CAST: variants seen among roughly 807,000 people sequenced by gnomAD.
CAST encodes MIR583 host.
In CAST, 76 loss-of-function variants were observed where a neutral mutation model predicts 119.6. The ratio of observed to expected loss-of-function variants is 0.64; its 90% CI spans 0.53 to 0.77. The LOEUF is 0.77. Ranked by LOEUF, CAST falls within the 30% of genes least tolerant of loss-of-function variation. The pLI, the probability that CAST is intolerant of heterozygous loss-of-function variation, is 0.00. For synonymous variants in CAST, 319 were observed against 331.6 expected (o/e 0.96, Z 0.41); for missense variants, 953 against 946.5 (o/e 1.01, Z -0.09).
At chr5:96,481,221 C>T in the CAST span, among the ~76,000 whole-genome samples, 1 of 151,926 alleles carries the variant, frequency 6.6e-6, no homozygotes, top group African/African-American at 2.4e-5. Flanking sequence ...TCATGTGTCA[C>T]ACTGCACAGC....
At chr5:96,217,999 G>T in the CAST span, among the ~76,000 whole-genome samples, 1 of 152,148 alleles carries the variant, frequency 6.6e-6, no homozygotes, top group Non-Finnish European at 1.5e-5. Context: ...TTACGTTCTT[G>T]TGTTTTGTCT....
chr5:96,251,852 T>C, the CAST span, among the ~76,000 whole-genome samples: 1 of 152,184 alleles, frequency 6.6e-6, no homozygotes, highest in East Asian at 1.9e-4. Flanking sequence ...TAACGAATGG[T>C]CTCAGCACTA....
rs563469315 is a variant in CAST at position 96,755,879 on chromosome 5, T to C, written c.1710+1138T>C. ...CCTAGAGAGCATGCTAAGGGCCACA[T>C]GTTCTGTCTCCACTGAGTGCCCATT... On this transcript the variant is annotated intron_variant, in intron 22 of 31. Coordinates refer to ENST00000675179, the MANE Select transcript of CAST (RefSeq NM_001750.7). 4.6e-5 allele frequency among the ~76,000 whole-genome samples: 7 copies of C among 152,348 alleles called. No individual in the cohort carries two copies. The South Asian group carries it at 1.4e-3, about 32-fold the overall frequency.
chr5:96,443,732 A>C, the CAST span, among the ~76,000 whole-genome samples: 1 of 152,236 alleles, frequency 6.6e-6, no homozygotes, highest in African/African-American at 2.4e-5. Context: ...TCTATTGGGC[A>C]TCATTGATAT....
intron 3 of CAST, among the ~76,000 whole-genome samples, chr5:96,712,630 C>A (rs1292340930): frequency 6.6e-6 from 1 of 152,104 alleles, no homozygotes; most frequent in Non-Finnish European, 1.5e-5. Context: ...TGCCCAGCGA[C>A]CATCTCTTTA....
At chr5:96,412,752 G>GTTTTTTTTTTTTTTTTTTTTTTTTTTT in the CAST span, among the ~76,000 whole-genome samples, 7 of 71,806 alleles carry the variant, frequency 9.7e-5, 2 homozygotes, top group African/African-American at 6.3e-4. Flanking sequence ...CAGCTGTGAT[G>GTTTTTTTTTTTTTTTTTTTTTTTTTTT]TTTTTTTTTT....
At chr5:96,464,753 A>G in the CAST span, among the ~76,000 whole-genome samples, 1 of 152,122 alleles carries the variant, frequency 6.6e-6, no homozygotes, top group Non-Finnish European at 1.5e-5. Flanking sequence ...TGTATAACCT[A>G]ATGTGTATGG....
At chr5:96,403,258 ATT>A in the CAST span, among the ~76,000 whole-genome samples, 1 of 151,914 alleles carries the variant, frequency 6.6e-6, no homozygotes, top group East Asian at 1.9e-4. Context: ...AGAAAAACCT[ATT>A]TTTCTTTTTT....
the CAST span, among the ~76,000 whole-genome samples, chr5:96,438,863 G>A: frequency 6.6e-6 from 1 of 152,090 alleles, no homozygotes; most frequent in African/African-American, 2.4e-5. Flanking sequence ...TGGAGAAAAT[G>A]AAAATAATTT....
At chr5:96,439,306 A>G in the CAST span, among the ~76,000 whole-genome samples, 1 of 151,140 alleles carries the variant, frequency 6.6e-6, no homozygotes, top group Non-Finnish European at 1.5e-5. Flanking sequence ...AACTTATGAA[A>G]TGGGGAGAAC....
chr5:96,664,398 T>TGTGC (rs1749040367), intron 1 of CAST, among the ~76,000 whole-genome samples: 1 of 126,768 alleles, frequency 7.9e-6, no homozygotes, highest in Non-Finnish European at 1.6e-5. Context: ...TATATATGTG[T>TGTGC]AAATATATAT....
intron 11 of CAST, among the ~76,000 whole-genome samples, chr5:96,738,396 C>T (rs1430277793): frequency 6.6e-6 from 1 of 152,122 alleles, no homozygotes; most frequent in Admixed American, 6.6e-5. Context: ...AACACAGCAA[C>T]TAAAAATTAG....
chr5:96,375,968 A>G, the CAST span, among the ~76,000 whole-genome samples: 3 of 148,852 alleles, frequency 2.0e-5, no homozygotes, highest in African/African-American at 7.3e-5. Context: ...TCTCCTATTA[A>G]TTCTGTTTCC....
At chr5:96,379,126 A>G in the CAST span, among the ~76,000 whole-genome samples, 1 of 152,214 alleles carries the variant, frequency 6.6e-6, no homozygotes, top group South Asian at 2.1e-4. Context: ...ATCAAAAATT[A>G]GGAATCTTTA....
chr5:96,378,625 A>G, the CAST span, among the ~76,000 whole-genome samples: 1 of 152,110 alleles, frequency 6.6e-6, no homozygotes, highest in Admixed American at 6.6e-5. Flanking sequence ...AAATAGCTCT[A>G]AAGATATCCT....
the CAST span, among the ~76,000 whole-genome samples, chr5:95,982,386 T>C: frequency 6.6e-6 from 1 of 151,994 alleles, no homozygotes. Flanking sequence ...ACTAGCACAA[T>C]CAAAATATAG....
rs971254404 is a variant in CAST, at chr5:96,555,173, C to T, written c.60+25293C>T. 3.9e-5 allele frequency among the ~76,000 whole-genome samples: 6 copies of T among 152,194 alleles called. No homozygotes were observed. In the East Asian group the frequency reaches 1.2e-3, roughly 29 times the overall value. ...AACCCAAATGTCCATCAGTGATAGA[C>T]TGGATTAAGAAAATGTAGCACATAT... On this transcript the variant is annotated intron_variant, in intron 1 of 11. Transcript: ENST00000505143.
the CAST span, chr5:96,423,358 C>T: frequency 3.7e-6 from 6 of 1,613,556 alleles, no homozygotes; most frequent in Admixed American, 1.7e-5. Flanking sequence ...AACCATCATC[C>T]AGTACGGTGA....
chr5:96,499,238 A>G, the CAST span, among the ~76,000 whole-genome samples: 1 of 152,152 alleles, frequency 6.6e-6, no homozygotes, highest in African/African-American at 2.4e-5. Flanking sequence ...ATCCTTTTCT[A>G]GACATTATAC....
Sources: gnomAD v4.1 joint callset for allele counts (sites outside exome capture counted in the v4.1 genomes callset) on GRCh38, gnomAD v4.1.1 for gene constraint, MANE v1.5 for transcripts, NCBI Gene and HGNC (gene_info 2026-07-23, HGNC 2026-07-21) for gene names.